ANKRD18A: variants seen among roughly 807,000 people sequenced by gnomAD.
The protein encoded by ANKRD18A is ankyrin repeat domain 18A, also known as ankyrin repeat domain-containing protein 18A.
ANKRD18A carries 72 observed loss-of-function variants against 110.6 expected under a neutral mutation model. That is an observed-to-expected ratio of 0.65 (90% CI 0.54 to 0.79). The LOEUF (loss-of-function observed/expected upper bound fraction) is 0.79. Among genes scored for constraint, ANKRD18A ranks in the 30% least tolerant of loss-of-function variants. The probability of loss-of-function intolerance (pLI) is 0.00; values close to 1 mark genes in which losing one functional copy is unlikely to be tolerated. For missense variants in ANKRD18A, 934 were observed against 1,163.3 expected (o/e 0.80, Z 2.87); for synonymous variants, 305 against 410.3 (o/e 0.74, Z 3.10).
rs112511928 is a variant in ANKRD18A, at chr9:38,578,822, G to A, written c.2248-674C>T. On this transcript the variant is annotated intron_variant, in intron 12 of 15. Coordinates refer to ENST00000399703, the MANE Select transcript of ANKRD18A (RefSeq NM_147195.4). The stretch of plus-strand genomic sequence containing the variant: ...TGGCTTGTACCCAGAGTTCAGGGCT[G>A]CCGTGAATTATGACCACATCACTGC... Among the ~76,000 whole-genome samples, 1,221 of 152,282 alleles carry A rather than the reference G, an allele frequency of 8.0e-3. 20 individuals carry two copies. Among genetic ancestry groups the A allele is most frequent in the African/African-American group, 0.028 (1,164 of 41,548 alleles).
chr9:38,609,128 G>A (rs1319742638), intron 5 of ANKRD18A, among the ~76,000 whole-genome samples: 1 of 152,170 alleles, frequency 6.6e-6, no homozygotes, highest in Non-Finnish European at 1.5e-5. Flanking sequence ...AGGAGGCCTC[G>A]CTGCCAGAGC....
At chr9:38,579,434 C>T (rs934968650) in intron 12 of ANKRD18A, among the ~76,000 whole-genome samples, 2 of 151,960 alleles carry the variant, frequency 1.3e-5, no homozygotes, top group Non-Finnish European at 2.9e-5. Context: ...GACAAATATC[C>T]AAAGTACACA....
At chr9:38,611,157 G>A (rs928061123) in intron 4 of ANKRD18A, 58 bp downstream of exon 4, 35 of 1,498,998 alleles carry the variant, frequency 2.3e-5, no homozygotes, top group Admixed American at 1.8e-4. Flanking sequence ...GACTGTTACC[G>A]CTCTAGAACA....
chr9:38,583,663 C>T (rs533359271), intron 12 of ANKRD18A, among the ~76,000 whole-genome samples: 1 of 152,268 alleles, frequency 6.6e-6, no homozygotes, highest in African/African-American at 2.4e-5. Flanking sequence ...GCTGGGATTA[C>T]AGGTGTGAGC....
intron 12 of ANKRD18A, among the ~76,000 whole-genome samples, chr9:38,584,940 C>T (rs549272026): frequency 2.0e-5 from 3 of 152,204 alleles, no homozygotes; most frequent in Admixed American, 6.5e-5. Flanking sequence ...TACAGCATCA[C>T]AGAGAGAAGA....
At chr9:38,578,413 A>T (rs1160190965) in intron 12 of ANKRD18A, among the ~76,000 whole-genome samples, 1 of 152,170 alleles carries the variant, frequency 6.6e-6, no homozygotes, top group Non-Finnish European at 1.5e-5. Context: ...CTGATAATTC[A>T]TTTTTGTTCC....
Position 38,575,708 on chromosome 9 carries a change from G to A in ANKRD18A, c.2742-10C>T, listed in dbSNP as rs150528530. ...TATTTTCTTATCCGATCTGTAAAGA[G>A]AGCAAAGACAAATGCTTAGTATTTC... On this transcript the variant is annotated splice_polypyrimidine_tract_variant and intron_variant, in intron 14 of 15. Coordinates refer to ENST00000399703, the MANE Select transcript of ANKRD18A (RefSeq NM_147195.4). The A allele has an allele frequency of 1.5e-4, 236 of 1,538,384 alleles. No individual in the cohort carries two copies. The highest frequency in any genetic ancestry group is 1.9e-4 in the Non-Finnish European group (219 of 1,141,494).
chr9:38,571,894 A>G lies in ANKRD18A; in HGVS notation c.*151T>C. ...ATTATGATGTTTTATATTATATGAG[A>G]AACAATTAAAATTTCATGTAAATAG... On this transcript the variant is annotated 3_prime_UTR_variant, in exon 16 of 16. Transcript: ENST00000399703. The G allele has an allele frequency of 7.2e-7, 1 of 1,384,660 alleles. No individual in the cohort carries two copies. Among genetic ancestry groups the G allele is most frequent in the South Asian group, 1.6e-5 (1 of 60,748 alleles). 85.8% of individuals were successfully genotyped at this position (1,384,660 alleles called of 1,614,324 possible).
At position 38,586,193 on chromosome 9, in the gene ANKRD18A, A is replaced by G; in HGVS notation, c.2237T>C (p.Leu746Pro). ...ATTTTTTAAAATTACCTTCTGTTTT[A>G]GCTTCTTAAACAGAATATCCATTTT... ...QLKMDILFKK[L>P]KQKFNDLVAE... The change falls in exon 12 of 16, where the codon CTA becomes CCA. Residue 746 changes from leucine (L) to proline (P), a missense_variant. By Grantham distance (98) the Leu-to-Pro change is moderately conservative. This residue lies in a region of ANKRD18A where 79 missense variants were observed against 122.8 expected (regional missense o/e 0.64). Coordinates refer to ENST00000399703, the MANE Select transcript of ANKRD18A (RefSeq NM_147195.4). 1 of 1,606,788 alleles carries G rather than the reference A, an allele frequency of 6.2e-7. No individual in the cohort carries two copies. Among genetic ancestry groups the G allele is most frequent in the Non-Finnish European group, 8.5e-7 (1 of 1,177,472 alleles).
At chr9:38,586,802 G>T (rs377646249) in intron 11 of ANKRD18A, among the ~76,000 whole-genome samples, 247 of 152,216 alleles carry the variant, frequency 1.6e-3, no homozygotes, top group African/African-American at 5.8e-3. Context: ...GAGCTGAAAT[G>T]ATCTACCTGC....
At chr9:38,599,384 G>A (rs1460245685) in intron 8 of ANKRD18A, among the ~76,000 whole-genome samples, 1 of 152,128 alleles carries the variant, frequency 6.6e-6, no homozygotes, top group African/African-American at 2.4e-5. Flanking sequence ...GAGTTACAGT[G>A]TAAGAGCTCT....
downstream of ANKRD18A, chr9:38,567,415 C>T (rs1400190749): frequency 2.6e-5 from 4 of 152,204 alleles, no homozygotes; most frequent in African/African-American, 9.7e-5. Flanking sequence ...TCCTGGGTGA[C>T]CTTTTGAAAA....
intron 3 of ANKRD18A, among the ~76,000 whole-genome samples, chr9:38,612,305 T>A (rs1308410902): frequency 6.6e-6 from 1 of 152,188 alleles, no homozygotes; most frequent in Non-Finnish European, 1.5e-5. Flanking sequence ...TCAATTATAA[T>A]GATAATCCTG....
chr9:38,573,673 C>T (rs1055820676), intron 15 of ANKRD18A, among the ~76,000 whole-genome samples: 5 of 151,842 alleles, frequency 3.3e-5, no homozygotes, highest in African/African-American at 1.2e-4. Context: ...CGAGATCGTG[C>T]CACGGCACTC....
intron 12 of ANKRD18A, 100 bp downstream of exon 12, chr9:38,586,083 C>T: frequency 1.6e-6 from 2 of 1,250,192 alleles, no homozygotes; most frequent in Non-Finnish European, 2.2e-6. Context: ...TTGATACGTG[C>T]AGCAAACCAT....
rs147210529 is a variant in ANKRD18A at position 38,607,783 on chromosome 9, C to T, written c.741-290G>A. ...TTCACAGTAAGTCCTCGCTCTGTAA[C>T]CAATAGGTATTTTGTTTTCAGACCA... is the stretch of plus-strand genomic sequence containing the variant. On this transcript the variant is annotated intron_variant, in intron 5 of 15. Coordinates refer to ENST00000399703, the MANE Select transcript of ANKRD18A (RefSeq NM_147195.4). Among the ~76,000 whole-genome samples the T allele has an allele frequency of 8.1e-3, 1,226 of 152,292 alleles. 19 individuals carry two copies. Among genetic ancestry groups the T allele is most frequent in the African/African-American group, 0.028 (1,153 of 41,562 alleles).
chr9:38,566,299 C>T, the ANKRD18A span: 1 of 152,156 alleles, frequency 6.6e-6, no homozygotes, highest in Non-Finnish European at 1.5e-5. Context: ...GCCTCTTTTG[C>T]CTATAAGCCT....
Position 38,610,324 on chromosome 9 carries a change from T to C in ANKRD18A, c.689A>G (p.Asp230Gly). The stretch of plus-strand genomic sequence containing the variant: ...ATCCTCGGCAGTTTGGCCAAACATG[T>C]CTTGAGAAGAGATACGTATATTTTG... ...LQQNIRISSQ[D>G]MFGQTAEDYA... The change falls in exon 5 of 16, where the codon GAC (aspartate) becomes GGC (glycine). Residue 230 changes from aspartate (D) to glycine (G), a missense_variant. This residue lies in a region of ANKRD18A where 630 missense variants were observed against 797.5 expected (regional missense o/e 0.79). Coordinates refer to ENST00000399703, the MANE Select transcript of ANKRD18A (RefSeq NM_147195.4). 4 of 1,551,166 alleles carry C rather than the reference T, an allele frequency of 2.6e-6. No individual in the cohort carries two copies. Among genetic ancestry groups the C allele is most frequent in the Non-Finnish European group, 3.5e-6 (4 of 1,146,770 alleles).
intron 3 of ANKRD18A, among the ~76,000 whole-genome samples, chr9:38,612,320 G>A (rs539188646): frequency 3.9e-5 from 6 of 152,118 alleles, no homozygotes; most frequent in African/African-American, 7.2e-5. Context: ...ATCCTGGGAC[G>A]TTAATGCAAC....
Sources: gnomAD v4.1 joint callset for allele counts (sites outside exome capture counted in the v4.1 genomes callset) on GRCh38, gnomAD v4.1.1 for gene constraint, gnomAD v4.1.1 regional missense constraint, MANE v1.5 for transcripts, NCBI Gene and HGNC (gene_info 2026-07-23, HGNC 2026-07-21) for gene names.